Variants in CACNA1C observed in about 807,000 individuals in gnomAD.
CACNA1C encodes the protein calcium voltage-gated channel subunit alpha1 C.
In CACNA1C, 30 loss-of-function variants were observed where a neutral mutation model predicts 229.0. The ratio of observed to expected loss-of-function variants is 0.13; its 90% CI spans 0.10 to 0.18. The LOEUF is 0.18. Among genes scored for constraint, CACNA1C ranks in the 10% least tolerant of loss-of-function variants. The probability of loss-of-function intolerance (pLI) is 1.00; values close to 1 mark genes in which losing one functional copy is unlikely to be tolerated. For missense variants in CACNA1C, 1,658 were observed against 2,845.0 expected (o/e 0.58, Z 9.49); for synonymous variants, 1,114 against 1,132.5 (o/e 0.98, Z 0.33).
chr12:2,049,714 A>G (rs1379222975), upstream of CACNA1C, among the ~76,000 whole-genome samples: 1 of 152,208 alleles, frequency 6.6e-6, no homozygotes, highest in African/African-American at 2.4e-5. Context: ...GACCTATGGG[A>G]GATTCTTTAG....
chr12:2,218,714 C>G (rs371354693), intron 3 of CACNA1C, among the ~76,000 whole-genome samples: 1 of 152,142 alleles, frequency 6.6e-6, no homozygotes, highest in African/African-American at 2.4e-5. Context: ...TACTGTAATA[C>G]GTGAAATAGA....
In CACNA1C at chr12:2,410,872, A is replaced by G. The variant is rs2098800069; in HGVS notation, c.478-38104A>G. Among the ~76,000 whole-genome samples the G allele has an allele frequency of 6.8e-6, 1 of 146,486 alleles. No individual in the cohort carries two copies. The highest frequency in any genetic ancestry group is 2.7e-5 in the African/African-American group (1 of 36,552). ...CCCTGGCTGTGAGGATGGCCTTCCT[A>G]TCCTTCCCTTCTCCTGGCTGCCCTA... On this transcript the variant is annotated intron_variant, in intron 3 of 46. Transcript: ENST00000399655. The surrounding 1 kb of genome is among the most constrained non-coding windows in gnomAD (Gnocchi z 5.3).
intron 43 of CACNA1C, among the ~76,000 whole-genome samples, chr12:2,685,312 C>T (rs552846817): frequency 0.012 from 1,865 of 150,218 alleles, 39 homozygotes; most frequent in African/African-American, 0.042. Context: ...GGTGGCAGGG[C>T]GGGAGAAATC....
intron 9 of CACNA1C, among the ~76,000 whole-genome samples, chr12:2,541,838 G>A (rs938333794): frequency 6.6e-5 from 10 of 152,184 alleles, no homozygotes; most frequent in Non-Finnish European, 1.3e-4. Flanking sequence ...CAAAGGTTTC[G>A]GAACTAGGCA....
Position 2,629,178 on chromosome 12 carries a change from G to A in CACNA1C, c.3829-5119G>A, listed in dbSNP as rs78907653. ...GAGATTCTTGAAATTGCACTTGAAG[G>A]TGTAATGAGGTGGAAGCCTCTGGAC... is the stretch of plus-strand genomic sequence containing the variant. On this transcript the variant is annotated intron_variant, in intron 29 of 46. Coordinates refer to ENST00000399655, the MANE Select transcript of CACNA1C (RefSeq NM_000719.7). Among the ~76,000 whole-genome samples the A allele has an allele frequency of 2.2e-4, 34 of 152,330 alleles. No homozygotes were observed. In the East Asian group the frequency reaches 5.8e-3, roughly 26 times the overall value.
intron 3 of CACNA1C, among the ~76,000 whole-genome samples, chr12:2,309,042 C>T (rs975027381): frequency 6.6e-6 from 1 of 152,080 alleles, no homozygotes; most frequent in Non-Finnish European, 1.5e-5. Flanking sequence ...ATTTGCACCC[C>T]CATGTTCATT....
intron 3 of CACNA1C, among the ~76,000 whole-genome samples, chr12:2,365,409 G>T (rs2097696005): frequency 6.6e-6 from 1 of 152,154 alleles, no homozygotes; most frequent in Non-Finnish European, 1.5e-5. Context: ...AGGCACTGAG[G>T]GGCATCTATC....
chr12:2,307,983 T>C (rs988646613), intron 3 of CACNA1C, among the ~76,000 whole-genome samples: 1 of 152,224 alleles, frequency 6.6e-6, no homozygotes, highest in African/African-American at 2.4e-5. Flanking sequence ...GACAAGAATC[T>C]GCATTTTAAC....
At chr12:2,541,722 T>C (rs893817614) in intron 9 of CACNA1C, among the ~76,000 whole-genome samples, 2 of 152,312 alleles carry the variant, frequency 1.3e-5, no homozygotes, top group African/African-American at 4.8e-5. Flanking sequence ...ACACTGGGCA[T>C]TTTTCTTAGC....
intron 1 of CACNA1C, among the ~76,000 whole-genome samples, chr12:2,093,024 G>A (rs563671883): frequency 1.2e-4 from 18 of 152,216 alleles, no homozygotes; most frequent in Non-Finnish European, 2.4e-4. Flanking sequence ...GGTGACGGCT[G>A]CAAACCCCGC....
intron 26 of CACNA1C, 39 bp downstream of exon 26, chr12:2,607,169 C>T: frequency 6.3e-7 from 1 of 1,583,978 alleles, no homozygotes; most frequent in Non-Finnish European, 8.6e-7. Flanking sequence ...CCCTGACATT[C>T]AAGGGCCAGT....
intron 1 of CACNA1C, among the ~76,000 whole-genome samples, chr12:2,033,286 G>A (rs1013952220): frequency 1.3e-4 from 20 of 152,026 alleles, no homozygotes; most frequent in African/African-American, 4.4e-4. Flanking sequence ...CATGATGCCC[G>A]CCCTCTGCAG....
In CACNA1C at chr12:2,595,782, G is replaced by A. The variant is rs1039476895; in HGVS notation, c.2664-92G>A. 4 of 1,236,240 alleles carry A rather than the reference G, an allele frequency of 3.2e-6. No homozygotes were observed. The highest frequency in any genetic ancestry group is 1.5e-5 in the African/African-American group (1 of 67,050). The allele number at this position is 1,236,240 out of a possible 1,614,324, so 76.6% of individuals were successfully genotyped here. A position where few individuals can be genotyped will look rare whatever the true frequency, so the allele number is the denominator to read the frequency against. On this transcript the variant is annotated intron_variant, in intron 19 of 46. Transcript: ENST00000399655. This position sits in a 1 kb window ranked among gnomAD's most constrained non-coding sequence, Gnocchi z 4.1. ...ACAAGCACCTGTTGCCAGCTGCTGG[G>A]GAGAGCTGAGGAGAGGGGCTCCCAA...
chr12:2,606,908 A>G (rs2075644027), intron 25 of CACNA1C, 76 bp from the exon 26 acceptor site: 3 of 1,537,998 alleles, frequency 2.0e-6, no homozygotes, highest in Admixed American at 1.7e-5. Context: ...CCCACCCAGC[A>G]TTCAAGGTCA....
intron 5 of CACNA1C, among the ~76,000 whole-genome samples, chr12:2,459,567 C>T (rs1180018256): frequency 6.6e-6 from 1 of 152,212 alleles, no homozygotes; most frequent in East Asian, 1.9e-4. Flanking sequence ...TTTCTCTACT[C>T]GGCCTTAACT....
chr12:2,055,651 G>C (rs536906544), intron 1 of CACNA1C, among the ~76,000 whole-genome samples: 1 of 152,174 alleles, frequency 6.6e-6, no homozygotes, highest in Non-Finnish European at 1.5e-5. Context: ...GGGAGCCAGC[G>C]GCTGAGAGCT....
intron 5 of CACNA1C, among the ~76,000 whole-genome samples, chr12:2,483,414 G>A (rs1354444941): frequency 1.3e-5 from 2 of 152,164 alleles, no homozygotes. Flanking sequence ...ACAAAATGAC[G>A]AGCACCAAGG....
At chr12:2,499,956 TG>T (rs1216928843) in intron 7 of CACNA1C, among the ~76,000 whole-genome samples, 1 of 152,088 alleles carries the variant, frequency 6.6e-6, no homozygotes, top group Non-Finnish European at 1.5e-5. Context: ...CCAAAGTAGG[TG>T]GACCAGAATA....
At chr12:2,522,127 G>A (rs1430229815) in intron 9 of CACNA1C, among the ~76,000 whole-genome samples, 3 of 152,182 alleles carry the variant, frequency 2.0e-5, no homozygotes, top group Non-Finnish European at 4.4e-5. Context: ...AGCCCAGGTC[G>A]AAGAGCACGT....
Sources: allele counts gnomAD v4.1 joint callset (sites outside exome capture counted in the v4.1 genomes callset), GRCh38; gene constraint gnomAD v4.1.1; non-coding constraint Gnocchi (gnomAD v3.1); transcripts MANE v1.5; gene names NCBI Gene and HGNC (gene_info 2026-07-23, HGNC 2026-07-21).